The following DOCK4 variants were observed in gnomAD, a reference collection of about 807,000 sequenced individuals.
DOCK4 encodes dedicator of cytokinesis protein 4.
In DOCK4, 97 loss-of-function variants were observed where a neutral mutation model predicts 268.1. That is an observed-to-expected ratio of 0.36 (90% CI 0.31 to 0.43). DOCK4 has a LOEUF of 0.43. Ranked by LOEUF, DOCK4 falls within the 20% of genes least tolerant of loss-of-function variation. The pLI is 1.00. For synonymous variants in DOCK4, 954 were observed against 887.2 expected, an observed-to-expected ratio of 1.08 and a Z score of -1.34; for missense variants, 2,145 against 2,455.7, an observed-to-expected ratio of 0.87 and a Z score of 2.67.
At chr7:111,949,114 T>C (rs1795856395) in intron 8 of DOCK4, among the ~76,000 whole-genome samples, 1 of 152,188 alleles carries the variant, frequency 6.6e-6, no homozygotes, top group African/African-American at 2.4e-5. Flanking sequence ...ATGTGAGCAT[T>C]TTCCCTTCTC....
intron 39 of DOCK4, among the ~76,000 whole-genome samples, chr7:111,763,620 A>T (rs1485066372): frequency 6.6e-6 from 1 of 152,190 alleles, no homozygotes; most frequent in Non-Finnish European, 1.5e-5. Context: ...TGACTCTGCC[A>T]ACAATGTCAT....
At chr7:111,856,016 C>A (rs1804979024) in intron 23 of DOCK4, among the ~76,000 whole-genome samples, 1 of 152,136 alleles carries the variant, frequency 6.6e-6, no homozygotes, top group Non-Finnish European at 1.5e-5. Context: ...CGTTATCAGT[C>A]TGGTTTACAA....
intron 42 of DOCK4, among the ~76,000 whole-genome samples, chr7:111,753,005 T>TGGCG (rs1554581789): frequency 3.8e-5 from 4 of 105,166 alleles, no homozygotes; most frequent in Non-Finnish European, 5.7e-5. Context: ...GATAAGCTAT[T>TGGCG]GGGGGGGGGG....
intron 26 of DOCK4, 143 bp from the exon 27 acceptor site, chr7:111,822,599 A>C: frequency 2.8e-6 from 2 of 717,688 alleles, no homozygotes; most frequent in East Asian, 2.9e-5. Context: ...CAGTTTGCCC[A>C]AGGGAAGGAG....
intron 12 of DOCK4, among the ~76,000 whole-genome samples, chr7:111,918,247 C>T (rs1251098578): frequency 6.6e-6 from 1 of 152,170 alleles, no homozygotes; most frequent in Non-Finnish European, 1.5e-5. Context: ...TGTGTACCAA[C>T]AGAATGTCTC....
chr7:111,863,218 T>TA, intron 23 of DOCK4, 154 bp downstream of exon 23: 1 of 724,286 alleles, frequency 1.4e-6, no homozygotes. Flanking sequence ...ACTTTTGTAT[T>TA]TGACTACTAA....
chr7:111,981,446 T>C (rs1798603378), intron 7 of DOCK4, among the ~76,000 whole-genome samples: 1 of 152,218 alleles, frequency 6.6e-6, no homozygotes, highest in Non-Finnish European at 1.5e-5. Context: ...GGATGATCTG[T>C]GCAGCAAACT....
At chr7:112,048,498 G>A (rs1289674517) in intron 1 of DOCK4, among the ~76,000 whole-genome samples, 1 of 151,422 alleles carries the variant, frequency 6.6e-6, no homozygotes, top group East Asian at 1.9e-4. Flanking sequence ...AGGAGGCAGA[G>A]GTTGCAATAA....
At chr7:111,812,187 G>A (rs766943830) in intron 27 of DOCK4, among the ~76,000 whole-genome samples, 1 of 152,164 alleles carries the variant, frequency 6.6e-6, no homozygotes, top group Non-Finnish European at 1.5e-5. Flanking sequence ...AATTCATATG[G>A]CTCAGACAGA....
intron 8 of DOCK4, among the ~76,000 whole-genome samples, chr7:111,969,826 G>A (rs1797562549): frequency 6.6e-6 from 1 of 152,166 alleles, no homozygotes; most frequent in Non-Finnish European, 1.5e-5. Flanking sequence ...TAGTACAGAA[G>A]CCAATTTTAA....
chr7:112,109,716 A>AT (rs940130088), intron 1 of DOCK4, among the ~76,000 whole-genome samples: 17 of 144,898 alleles, frequency 1.2e-4, no homozygotes, highest in African/African-American at 1.5e-4. Flanking sequence ...ATATAGCACT[A>AT]TTTTTTTTTA....
At position 111,988,559 on chromosome 7, in the gene DOCK4, C is replaced by T. The variant is rs780777530; in HGVS notation, c.464+456G>A. ...CTAATCACAGCAATAATAAAAGGCCCCACCAGTGCACCTGTCATAAGACTT... is the reference window on the plus strand; with the variant it reads ...CTAATCACAGCAATAATAAAAGGCCTCACCAGTGCACCTGTCATAAGACTT... On this transcript the variant is annotated intron_variant, in intron 6 of 52. Transcript: ENST00000428084. Among the ~76,000 whole-genome samples, 83 of 152,122 alleles carry T rather than the reference C, an allele frequency of 5.5e-4. 1 individual carries two copies. Among genetic ancestry groups the T allele is most frequent in the Admixed American group, 3.3e-4 (5 of 15,272 alleles).
intron 23 of DOCK4, among the ~76,000 whole-genome samples, chr7:111,862,136 T>C (rs1303313250): frequency 6.6e-6 from 1 of 151,764 alleles, no homozygotes; most frequent in Non-Finnish European, 1.5e-5. Flanking sequence ...CTGCCTCTAC[T>C]AAAAATACAA....
intron 42 of DOCK4, 41 bp from the exon 43 acceptor site, chr7:111,747,484 C>T: frequency 6.6e-7 from 1 of 1,519,320 alleles, no homozygotes; most frequent in Non-Finnish European, 8.9e-7. Flanking sequence ...GAATTTGTGA[C>T]ATTCAAGAAG....
chr7:111,761,418 G>A (rs1041138321), intron 39 of DOCK4, among the ~76,000 whole-genome samples: 6 of 152,068 alleles, frequency 3.9e-5, no homozygotes, highest in Non-Finnish European at 8.8e-5. Context: ...TCTGGTCTGA[G>A]TCCAAACCCT....
chr7:111,984,063 TC>T (rs1798849681), intron 7 of DOCK4, among the ~76,000 whole-genome samples: 2 of 152,076 alleles, frequency 1.3e-5, no homozygotes, highest in African/African-American at 4.8e-5. Flanking sequence ...ACTGAAAACA[TC>T]TTTGTATTGA....
chr7:112,049,619 A>C (rs528367304), intron 1 of DOCK4, among the ~76,000 whole-genome samples: 3 of 152,322 alleles, frequency 2.0e-5, no homozygotes, highest in South Asian at 4.1e-4. Context: ...AAAAAGCAAG[A>C]CTAAACTATA....
chr7:111,945,919 C>T (rs190060694), intron 8 of DOCK4, 121 bp from the exon 9 acceptor site: 30 of 694,288 alleles, frequency 4.3e-5, no homozygotes, highest in African/African-American at 1.6e-4. Flanking sequence ...TTAACATCAA[C>T]ATTGCTTATA....
At chr7:112,186,686 T>C (rs1203711945) in intron 1 of DOCK4, among the ~76,000 whole-genome samples, 4 of 152,150 alleles carry the variant, frequency 2.6e-5, no homozygotes, top group East Asian at 1.9e-4. Flanking sequence ...GAAATGGAAA[T>C]TAAAGAATCT....
Sources: allele counts gnomAD v4.1 joint callset (sites outside exome capture counted in the v4.1 genomes callset), GRCh38; gene constraint gnomAD v4.1.1; transcripts MANE v1.5; gene names NCBI Gene and HGNC (gene_info 2026-07-23, HGNC 2026-07-21).